The following VTCN1 variants were observed in gnomAD, a reference collection of about 807,000 sequenced individuals.
VTCN1 encodes the protein V-set domain containing T cell activation inhibitor 1.
Under a neutral mutation model 26.5 loss-of-function variants are expected in VTCN1, and 26 were observed. That is an observed-to-expected ratio of 0.98 (90% confidence interval 0.72 to 1.36). The LOEUF (loss-of-function observed/expected upper bound fraction) is 1.36, where lower values mean the gene tolerates loss of function less well. Ranked by LOEUF, VTCN1 falls within the 40% of genes most tolerant of loss-of-function variation. VTCN1 has a pLI of 0.00. For missense variants in VTCN1, 298 were observed against 337.7 expected (o/e 0.88, Z 0.92); for synonymous variants, 116 against 130.7 (o/e 0.89, Z 0.77).
chr1:117,178,266 T>C (rs1570967600), intron 1 of VTCN1, among the ~76,000 whole-genome samples: 3 of 148,726 alleles, frequency 2.0e-5, no homozygotes, highest in Non-Finnish European at 3.0e-5. Flanking sequence ...TTTCTTTTTT[T>C]TTTTTTTTGA....
intron 1 of VTCN1, among the ~76,000 whole-genome samples, chr1:117,199,633 A>ATTTTT (rs757979940): frequency 7.4e-6 from 1 of 134,778 alleles, no homozygotes; most frequent in Non-Finnish European, 1.6e-5. Flanking sequence ...GCCACAAGGA[A>ATTTTT]TTTTTTTTTT....
At chr1:117,178,921 C>T (rs1472855558) in intron 1 of VTCN1, among the ~76,000 whole-genome samples, 1 of 151,984 alleles carries the variant, frequency 6.6e-6, no homozygotes, top group Non-Finnish European at 1.5e-5. Flanking sequence ...GCACGTGGGC[C>T]CTGTGTATTC....
At chr1:117,178,589 T>TTTG (rs1647507075) in intron 1 of VTCN1, among the ~76,000 whole-genome samples, 1 of 14,856 alleles carries the variant, frequency 6.7e-5, no homozygotes, top group South Asian at 2.8e-3. Context: ...CTTTCTTTCG[T>TTTG]TTTTTTTTTT....
chr1:117,204,953 T>C (rs991969817), intron 1 of VTCN1, among the ~76,000 whole-genome samples: 3 of 151,338 alleles, frequency 2.0e-5, no homozygotes, highest in African/African-American at 7.3e-5. Flanking sequence ...GATTATCCCA[T>C]TGATAAAATG....
chr1:117,186,136 T>G (rs1647932054), intron 1 of VTCN1, among the ~76,000 whole-genome samples: 1 of 152,218 alleles, frequency 6.6e-6, no homozygotes, highest in Non-Finnish European at 1.5e-5. Flanking sequence ...TTCCAGAAAC[T>G]GGAAATGTAG....
At chr1:117,181,200 C>T (rs1415372700) in intron 1 of VTCN1, among the ~76,000 whole-genome samples, 3 of 149,160 alleles carry the variant, frequency 2.0e-5, no homozygotes, top group Non-Finnish European at 3.0e-5. Flanking sequence ...GAGAATTGCT[C>T]GAGGCCAGGA....
rs746675267 is a variant in VTCN1 at position 117,153,249 on chromosome 1, G to A, written c.566C>T (p.Ala189Val). ...GGTATTGGAGACTTCCGAGAAGTTG[G>A]CTCCCTGGTCAACTTGGGATGCCCA... ...VVWASQVDQGANFSEVSNTSF... is the reference protein window; with the variant it reads ...VVWASQVDQGVNFSEVSNTSF... The change falls in exon 4 of 6, where the codon GCC becomes GTC. Residue 189 changes from alanine to valine, a missense_variant. Physicochemically the swap from Ala to Val is moderately conservative, Grantham distance 64. Coordinates refer to ENST00000369458, the MANE Select transcript of VTCN1 (RefSeq NM_024626.4). 3 of 1,614,072 alleles carry A rather than the reference G, an allele frequency of 1.9e-6. No homozygotes were observed. The highest frequency in any genetic ancestry group is 3.3e-5 in the Admixed American group (2 of 60,020).
At position 117,147,089 on chromosome 1, in the gene VTCN1, T is replaced by C. The variant is rs114129312; in HGVS notation, c.*45+524A>G. ...GACTGGAACTTCATGATCTCAGCTT[T>C]ATACACATTTCATATGCAGAAGAAT... is the stretch of plus-strand genomic sequence containing the variant. On this transcript the variant is annotated intron_variant, in intron 5 of 5. Transcript: ENST00000369458. This position sits in a 1 kb window ranked among gnomAD's most constrained non-coding sequence, Gnocchi z 4.6. Among the ~76,000 whole-genome samples the C allele has an allele frequency of 0.054, 8,295 of 152,208 alleles. 277 individuals are homozygous for C. The highest frequency in any genetic ancestry group is 0.08 in the South Asian group (384 of 4,820).
In VTCN1 at chr1:117,147,547, C is replaced by T. The variant is rs867163202; in HGVS notation, c.*45+66G>A. 29 of 1,362,140 alleles carry T rather than the reference C, an allele frequency of 2.1e-5. No homozygotes were observed. Among genetic ancestry groups the T allele is most frequent in the East Asian group, 7.1e-5 (3 of 42,110 alleles). The allele number at this position is 1,362,140 out of a possible 1,614,324, so 84.4% of individuals were successfully genotyped here. A position where few individuals can be genotyped will look rare whatever the true frequency, so the allele number is the denominator to read the frequency against. ...TCTGTGGCTGATGCTGAAGGCTATC[C>T]GACTCTCATTAGGAGCACAAGCACC... On this transcript the variant is annotated intron_variant, in intron 5 of 5. Transcript: ENST00000369458. The surrounding 1 kb of genome is among the most constrained non-coding windows in gnomAD (Gnocchi z 4.6).
intron 1 of VTCN1, among the ~76,000 whole-genome samples, chr1:117,173,602 T>G (rs1171820724): frequency 6.6e-6 from 1 of 152,224 alleles, no homozygotes; most frequent in Non-Finnish European, 1.5e-5. Context: ...TTCAGTACTT[T>G]GTTACAACAG....
At chr1:117,187,963 A>G (rs1648031256) in intron 1 of VTCN1, among the ~76,000 whole-genome samples, 1 of 152,238 alleles carries the variant, frequency 6.6e-6, no homozygotes, top group Non-Finnish European at 1.5e-5. Flanking sequence ...TTATTTCCAT[A>G]ATGCTTAGCT....
chr1:117,148,141 T>C (rs1280245667), intron 4 of VTCN1, among the ~76,000 whole-genome samples: 1 of 152,208 alleles, frequency 6.6e-6, no homozygotes, highest in Non-Finnish European at 1.5e-5. Context: ...ATCCACGTCA[T>C]TACATTAGCT....
intron 3 of VTCN1, among the ~76,000 whole-genome samples, chr1:117,153,817 A>C (rs759919429): frequency 1.3e-5 from 2 of 152,212 alleles, no homozygotes; most frequent in Non-Finnish European, 2.9e-5. Flanking sequence ...AACAGCATTC[A>C]TCTATCACCC....
intron 4 of VTCN1, among the ~76,000 whole-genome samples, chr1:117,150,526 A>G (rs918719603): frequency 3.9e-5 from 6 of 152,206 alleles, no homozygotes; most frequent in African/African-American, 1.2e-4. Context: ...GGCAACTAAT[A>G]ATCCTAACCA....
Position 117,207,251 on chromosome 1 carries a change from T to C in VTCN1, c.32+3573A>G, listed in dbSNP as rs555905675. ...GGTAGAAAGATCCCTGCTCCTTCTCTACTCAGTAGCTTCCTTCCTGTGACA... is the reference window on the plus strand; with the variant it reads ...GGTAGAAAGATCCCTGCTCCTTCTCCACTCAGTAGCTTCCTTCCTGTGACA... On this transcript the variant is annotated intron_variant, in intron 1 of 5. Coordinates refer to ENST00000369458, the MANE Select transcript of VTCN1 (RefSeq NM_024626.4). 4.6e-5 allele frequency among the ~76,000 whole-genome samples: 7 copies of C among 152,314 alleles called. No homozygotes were observed. The East Asian group carries it at 1.4e-3, about 29-fold the overall frequency.
chr1:117,168,004 G>GAA (rs148148091), intron 2 of VTCN1, among the ~76,000 whole-genome samples: 1 of 149,080 alleles, frequency 6.7e-6, no homozygotes, highest in African/African-American at 2.5e-5. Context: ...AAGAAAGAGA[G>GAA]AAAAAAAACC....
intron 4 of VTCN1, among the ~76,000 whole-genome samples, chr1:117,150,488 GATTT>G (rs1244611180): frequency 2.0e-5 from 3 of 152,244 alleles, no homozygotes; most frequent in Admixed American, 6.5e-5. Context: ...TTTCAGACTA[GATTT>G]ATTTATATTG....
At chr1:117,163,105 C>G (rs1340193958) in intron 2 of VTCN1, among the ~76,000 whole-genome samples, 1 of 152,194 alleles carries the variant, frequency 6.6e-6, no homozygotes, top group African/African-American at 2.4e-5. Flanking sequence ...GTGAGTGTCA[C>G]TCTTGCCAAA....
intron 1 of VTCN1, among the ~76,000 whole-genome samples, chr1:117,190,281 A>T (rs900785888): frequency 4.6e-5 from 7 of 152,354 alleles, no homozygotes; most frequent in African/African-American, 1.7e-4. Flanking sequence ...ACCTACCTTC[A>T]GCATTTTTCA....
Sources: allele counts gnomAD v4.1 joint callset (sites outside exome capture counted in the v4.1 genomes callset), GRCh38; gene constraint gnomAD v4.1.1; non-coding constraint Gnocchi (gnomAD v3.1); transcripts MANE v1.5; gene names NCBI Gene and HGNC (gene_info 2026-07-23, HGNC 2026-07-21).